NBAS: variants seen among roughly 807,000 people sequenced by gnomAD.
NBAS encodes NAG/BC035112 fusion.
In NBAS, 219 loss-of-function variants were observed where a neutral mutation model predicts 302.5. The observed-to-expected ratio is 0.72, with a 90% CI of 0.65 to 0.81. The LOEUF is 0.81. Ranked by LOEUF, NBAS falls within the 30% of genes least tolerant of loss-of-function variation. NBAS has a pLI of 0.00. For missense variants in NBAS, 2,932 were observed against 2,841.6 expected, an observed-to-expected ratio of 1.03 and a Z score of -0.72; for synonymous variants, 1,118 against 1,021.6, an observed-to-expected ratio of 1.09 and a Z score of -1.80.
chr2:15,531,320 C>A (rs1663204622), intron 9 of NBAS, among the ~76,000 whole-genome samples: 4 of 152,100 alleles, frequency 2.6e-5, no homozygotes, highest in Admixed American at 2.6e-4. Flanking sequence ...AGCTATATGG[C>A]AGGTGTCAAA....
chr2:14,840,375 T>C, the NBAS span, among the ~76,000 whole-genome samples: 3 of 151,802 alleles, frequency 2.0e-5, no homozygotes, highest in Non-Finnish European at 4.4e-5. Flanking sequence ...TGCAAATAAA[T>C]AATAACAAAA....
In NBAS at chr2:15,488,878, T is replaced by C; in HGVS notation, c.1083+16A>G. ...CACCCTTAAGAGAGTATCATTCTAATAACCAAGAGACGCACCTGCTCATTT... is the reference window on the plus strand; with the variant it reads ...CACCCTTAAGAGAGTATCATTCTAACAACCAAGAGACGCACCTGCTCATTT... On this transcript the variant is annotated intron_variant, in intron 12 of 51. Coordinates refer to ENST00000281513, the MANE Select transcript of NBAS (RefSeq NM_015909.4). 4 of 1,613,350 alleles carry C rather than the reference T, an allele frequency of 2.5e-6. No homozygotes were observed. The highest frequency in any genetic ancestry group is 1.7e-4 in the Middle Eastern group (1 of 6,060).
At chr2:15,369,918 A>G (rs1041086676) in intron 31 of NBAS, among the ~76,000 whole-genome samples, 1 of 152,240 alleles carries the variant, frequency 6.6e-6, no homozygotes, top group Non-Finnish European at 1.5e-5. Context: ...TAGCTGTGCA[A>G]TATCAATTGC....
chr2:14,914,216 A>G, the NBAS span, among the ~76,000 whole-genome samples: 355 of 152,318 alleles, frequency 2.3e-3, 1 homozygote, highest in South Asian at 5.4e-3. Flanking sequence ...TATGGGAGCT[A>G]CAATTCAAGA....
the NBAS span, among the ~76,000 whole-genome samples, chr2:15,117,075 C>T: frequency 6.6e-6 from 1 of 152,006 alleles, no homozygotes; most frequent in Non-Finnish European, 1.5e-5. Flanking sequence ...GCAGTTGTGC[C>T]CTTCGCAATA....
chr2:15,394,112 A>C (rs1195394346), intron 28 of NBAS, 115 bp downstream of exon 28: 6 of 1,125,998 alleles, frequency 5.3e-6, no homozygotes, highest in Non-Finnish European at 7.4e-6. Context: ...CTTACACTTT[A>C]AATATGTGCA....
chr2:15,516,116 T>C (rs916045502), intron 9 of NBAS, among the ~76,000 whole-genome samples: 5 of 152,112 alleles, frequency 3.3e-5, no homozygotes, highest in Non-Finnish European at 7.4e-5. Flanking sequence ...CTTGTGAGAG[T>C]TACATGAATG....
In NBAS at chr2:15,328,210, A is replaced by G; in HGVS notation, c.4450T>C (p.Phe1484Leu). Reference protein sequence around the residue: ...PFYESVISNPFVAESEGTYDT... With the variant: ...PFYESVISNPLVAESEGTYDT... ...CACGCTGTCCTTACCTCAGCGACAA[A>G]AGGATTTGAGATGACAGATTCATAA... is the stretch of plus-strand genomic sequence containing the variant. Residue 1484 changes from phenylalanine to leucine, a missense_variant, in exon 37 of 52, where the codon TTT becomes CTT. Coordinates refer to ENST00000281513, the MANE Select transcript of NBAS (RefSeq NM_015909.4). The G allele has an allele frequency of 1.9e-6, 3 of 1,613,586 alleles. No homozygotes were observed. Among genetic ancestry groups the G allele is most frequent in the South Asian group, 1.1e-5 (1 of 91,068 alleles).
chr2:15,034,235 G>GAAAGAAAGAAAGAAA, the NBAS span, among the ~76,000 whole-genome samples: 702 of 81,664 alleles, frequency 8.6e-3, 113 homozygotes, highest in East Asian at 0.025. Flanking sequence ...AAAGAAAGAA[G>GAAAGAAAGAAAGAAA]GAAAGAAAGA....
At chr2:15,041,544 C>A in the NBAS span, among the ~76,000 whole-genome samples, 13 of 152,190 alleles carry the variant, frequency 8.5e-5, no homozygotes, top group African/African-American at 2.4e-5. Context: ...ACAAACCAGG[C>A]CAAATGCCTG....
chr2:15,432,329 T>G (rs1365730540), intron 21 of NBAS, among the ~76,000 whole-genome samples: 1 of 151,046 alleles, frequency 6.6e-6, no homozygotes, highest in Non-Finnish European at 1.5e-5. Flanking sequence ...CTTTACAAAA[T>G]AATGGCTGCT....
At chr2:15,305,308 G>C (rs1433278604) in intron 40 of NBAS, among the ~76,000 whole-genome samples, 1 of 151,940 alleles carries the variant, frequency 6.6e-6, no homozygotes, top group Non-Finnish European at 1.5e-5. Flanking sequence ...TCTCTTTCCT[G>C]CCATTTTGTG....
intron 21 of NBAS, among the ~76,000 whole-genome samples, chr2:15,458,797 A>C (rs1350107199): frequency 2.6e-5 from 4 of 152,230 alleles, no homozygotes; most frequent in Non-Finnish European, 5.9e-5. Flanking sequence ...AACTATACAA[A>C]AAAACAGTGT....
chr2:15,132,661 T>G, the NBAS span, among the ~76,000 whole-genome samples: 1 of 152,138 alleles, frequency 6.6e-6, no homozygotes, highest in African/African-American at 2.4e-5. Context: ...GTGTTCATAG[T>G]GGAGGAGTCT....
intron 3 of NBAS, among the ~76,000 whole-genome samples, chr2:15,555,010 T>A (rs944034614): frequency 4.7e-5 from 7 of 149,540 alleles, no homozygotes; most frequent in African/African-American, 1.7e-4. Context: ...AGAAAACAGA[T>A]GGAAAAGAAG....
chr2:15,277,327 G>T (rs1034269851), intron 42 of NBAS, among the ~76,000 whole-genome samples: 1 of 152,064 alleles, frequency 6.6e-6, no homozygotes, highest in East Asian at 1.9e-4. Context: ...TATCTCACGG[G>T]GGTCTACAGC....
At chr2:15,431,415 T>C (rs913473030) in intron 21 of NBAS, among the ~76,000 whole-genome samples, 5 of 152,208 alleles carry the variant, frequency 3.3e-5, no homozygotes, top group Non-Finnish European at 7.4e-5. Context: ...TTGCTTCAAA[T>C]GATAACATTT....
At chr2:15,215,998 A>C (rs1404351104) in intron 48 of NBAS, among the ~76,000 whole-genome samples, 1 of 152,220 alleles carries the variant, frequency 6.6e-6, no homozygotes, top group Non-Finnish European at 1.5e-5. Flanking sequence ...TTCTAAACAC[A>C]ATACTTCTGC....
the NBAS span, among the ~76,000 whole-genome samples, chr2:15,030,950 T>A: frequency 1.3e-5 from 2 of 152,180 alleles, no homozygotes; most frequent in Non-Finnish European, 2.9e-5. Flanking sequence ...CCATGTGTGA[T>A]GTCAGGGTCC....
Sources: gnomAD v4.1 joint callset for allele counts (sites outside exome capture counted in the v4.1 genomes callset) on GRCh38, gnomAD v4.1.1 for gene constraint, MANE v1.5 for transcripts, NCBI Gene and HGNC (gene_info 2026-07-23, HGNC 2026-07-21) for gene names.